The following C16orf46 variants were observed in gnomAD, a reference collection of about 807,000 sequenced individuals.
C16orf46 encodes the protein uncharacterized protein C16orf46.
Under a neutral mutation model 5.5 loss-of-function variants are expected in C16orf46, and 7 were observed. The observed-to-expected ratio is 1.28, with a 90% confidence interval of 0.73 to 2.40. C16orf46 has a LOEUF of 2.40. Ranked by LOEUF, C16orf46 falls within the 30% of genes most tolerant of loss-of-function variation. The probability of loss-of-function intolerance (pLI) is 0.00; values close to 1 mark genes in which losing one functional copy is unlikely to be tolerated. For missense variants in C16orf46, 614 were observed against 476.0 expected (o/e 1.29, Z -2.70); for synonymous variants, 200 against 184.1 (o/e 1.09, Z -0.70).
exon 4 of C16orf46, chr16:81,053,957 T>A (rs1971222936): frequency 8.8e-7 from 1 of 1,139,284 alleles, no homozygotes; most frequent in Non-Finnish European, 1.3e-6. Context: ...AGCGTTTGAC[T>A]CTCTGCTTTC....
At chr16:81,060,831 A>T, downstream of C16orf46, 1 of 345,226 alleles carries the variant, frequency 2.9e-6, no homozygotes, top group Non-Finnish European at 4.6e-6. Context: ...TGGATTCCCC[A>T]CTTTCTGCGT....
chr16:81,062,091 C>A lies in C16orf46; in HGVS notation c.258G>T (p.Arg86Ser), dbSNP rs975584668. The A allele has an allele frequency of 1.4e-5, 23 of 1,607,214 alleles. No individual in the cohort carries two copies. Among genetic ancestry groups the A allele is most frequent in the Non-Finnish European group, 1.9e-5 (22 of 1,179,424 alleles). Residue 86 changes from arginine (R) to serine (S), a missense_variant, in exon 4 of 4, where the codon AGG (arginine) becomes AGT (serine). By Grantham distance (110) the Arg-to-Ser change is moderately radical. Coordinates refer to ENST00000299578, the MANE Select transcript of C16orf46 (RefSeq NM_152337.3). ...RTSPAACIWP[R>S]KIPKKARVGE... is the part of the protein sequence containing the mutation. Reference sequence around the variant, plus strand: ...CTACCCTCGCCTTTTTTGGTATCTTCCTCGGCCAGATGCAGGCAGCTGGAG... The same window carrying A: ...CTACCCTCGCCTTTTTTGGTATCTTACTCGGCCAGATGCAGGCAGCTGGAG...
At chr16:81,065,529 C>G (rs893090172) in intron 2 of C16orf46, among the ~76,000 whole-genome samples, 1 of 150,980 alleles carries the variant, frequency 6.6e-6, no homozygotes. Context: ...GATAGGGGTT[C>G]CTCCTGTGGA....
chr16:81,054,281 CAAAA>C (rs997311393), intron 3 of C16orf46, among the ~76,000 whole-genome samples: 1 of 73,470 alleles, frequency 1.4e-5, no homozygotes, highest in Admixed American at 1.2e-4. Context: ...ACAACAACAA[CAAAA>C]AAAAACAACA....
intron 2 of C16orf46, among the ~76,000 whole-genome samples, chr16:81,065,914 A>G (rs1971642182): frequency 6.6e-6 from 1 of 151,764 alleles, no homozygotes; most frequent in Non-Finnish European, 1.5e-5. Flanking sequence ...ATCTTAGCTC[A>G]CTGACAAAAT....
At chr16:81,065,684 T>C (rs7195463) in intron 2 of C16orf46, among the ~76,000 whole-genome samples, 10,143 of 152,144 alleles carry the variant, frequency 0.067, 1,082 homozygotes, top group African/African-American at 0.23. Context: ...CACTCCTTGC[T>C]TTCTCTCAGC....
At chr16:81,070,703 T>G (rs1971819114) in intron 1 of C16orf46, among the ~76,000 whole-genome samples, 1 of 152,212 alleles carries the variant, frequency 6.6e-6, no homozygotes, top group African/African-American at 2.4e-5. Flanking sequence ...TTATTTATTT[T>G]TGAGACGCAG....
At chr16:81,057,601 A>G (rs1971337260), downstream of C16orf46, among the ~76,000 whole-genome samples, 1 of 150,088 alleles carries the variant, frequency 6.7e-6, no homozygotes, top group Admixed American at 6.7e-5. Context: ...TCTTAGGTTA[A>G]AAAAAAAAAC....
chr16:81,070,515 T>A (rs1298531990), intron 1 of C16orf46, among the ~76,000 whole-genome samples: 4 of 152,214 alleles, frequency 2.6e-5, no homozygotes, highest in African/African-American at 9.6e-5. Context: ...ATAGTTTTTT[T>A]TAAACAAAGG....
intron 1 of C16orf46, among the ~76,000 whole-genome samples, chr16:81,067,387 C>T (rs1971683585): frequency 6.6e-6 from 1 of 152,108 alleles, no homozygotes; most frequent in Non-Finnish European, 1.5e-5. Context: ...ATTAACTGTA[C>T]TATTATATTT....
intron 2 of C16orf46, among the ~76,000 whole-genome samples, chr16:81,064,372 AAAG>A (rs1314215369): frequency 2.0e-5 from 3 of 151,218 alleles, no homozygotes; most frequent in Non-Finnish European, 1.5e-5. Flanking sequence ...CAAAAAAAAA[AAAG>A]AAAAGAAAGA....
chr16:81,065,042 A>G (rs367753429), intron 2 of C16orf46, among the ~76,000 whole-genome samples: 2 of 149,342 alleles, frequency 1.3e-5, no homozygotes, highest in Admixed American at 1.3e-4. Context: ...TGCACTTGGC[A>G]TTTAGAATCT....
At chr16:81,070,115 A>G (rs1971796971) in intron 1 of C16orf46, among the ~76,000 whole-genome samples, 1 of 151,646 alleles carries the variant, frequency 6.6e-6, no homozygotes, top group Non-Finnish European at 1.5e-5. Context: ...ACAGAGTGAG[A>G]CTCCATCTCA....
intron 3 of C16orf46, chr16:81,054,246 T>G (rs1971230970): frequency 2.2e-6 from 1 of 464,324 alleles, no homozygotes; most frequent in South Asian, 5.4e-5. Context: ...GAAACTAGTC[T>G]CTAAAAACCA....
At chr16:81,071,019 C>T (rs779317233) in intron 1 of C16orf46, among the ~76,000 whole-genome samples, 23 of 152,066 alleles carry the variant, frequency 1.5e-4, no homozygotes, top group Admixed American at 1.2e-3. Flanking sequence ...CATGGTTTTC[C>T]GACTCCAGAG....
chr16:81,057,229 C>T (rs532963454), downstream of C16orf46, among the ~76,000 whole-genome samples: 5 of 152,200 alleles, frequency 3.3e-5, no homozygotes, highest in African/African-American at 9.6e-5. Flanking sequence ...GCCATTCAAT[C>T]CTCTAAGAAG....
At chr16:81,055,385 C>T (rs1308572427) in intron 3 of C16orf46, 1 of 152,174 alleles carries the variant, frequency 6.6e-6, no homozygotes, top group Non-Finnish European at 1.5e-5. Flanking sequence ...AGCTAGCTCT[C>T]CTCAAGTTTT....
At position 81,061,096 on chromosome 16, in the gene C16orf46, GAAGA is replaced by G. The variant is rs1465157961; in HGVS notation, c.*61_*64del. On this transcript the variant is annotated 3_prime_UTR_variant, in exon 4 of 4. Transcript: ENST00000299578. ...TGGGGGGTGGGTGGGAAATGAGAGA[GAAGA>G]AAGAGAAAGGATGGCTGCATCTCAA... The G allele has an allele frequency of 2.0e-6, 3 of 1,513,710 alleles. No homozygotes were observed. The highest frequency in any genetic ancestry group is 2.7e-6 in the Non-Finnish European group (3 of 1,131,340). 93.8% of individuals were successfully genotyped at this position (1,513,710 alleles called of 1,614,324 possible). A position where few individuals can be genotyped will look rare whatever the true frequency, so the allele number is the denominator to read the frequency against.
Position 81,077,231 on chromosome 16 carries a change from G to A in C16orf46, c.-223C>T, listed in dbSNP as rs1050627775. 36 of 152,382 alleles carry A rather than the reference G, an allele frequency of 2.4e-4. No individual in the cohort carries two copies. Among genetic ancestry groups the A allele is most frequent in the African/African-American group, 8.4e-4 (35 of 41,478 alleles). 9.4% of individuals were successfully genotyped at this position (152,382 alleles called of 1,614,324 possible). On this transcript the variant is annotated 5_prime_UTR_variant, in exon 1 of 4. Coordinates refer to ENST00000299578, the MANE Select transcript of C16orf46 (RefSeq NM_152337.3). ...GCTGCCGGATGGGCCGTTGCCTTGG[G>A]TTACGACCACGCTGGGGGCGGGACC...
Sources: allele counts gnomAD v4.1 joint callset (sites outside exome capture counted in the v4.1 genomes callset), GRCh38; gene constraint gnomAD v4.1.1; transcripts MANE v1.5; gene names NCBI Gene and HGNC (gene_info 2026-07-23, HGNC 2026-07-21).